CCNJ: variants seen among roughly 807,000 people sequenced by gnomAD.
The protein encoded by CCNJ is cyclin J, also known as cyclin-J.
Under a neutral mutation model 41.4 loss-of-function variants are expected in CCNJ, and 12 were observed. The ratio of observed to expected loss-of-function variants is 0.29; its 90% CI spans 0.19 to 0.47. The LOEUF is 0.47. Ranked by LOEUF, CCNJ falls within the 20% of genes least tolerant of loss-of-function variation. The pLI is 1.00. For missense variants in CCNJ, 340 were observed against 464.6 expected (o/e 0.73, Z 2.47); for synonymous variants, 161 against 173.4 (o/e 0.93, Z 0.56).
intron 3 of CCNJ, 124 bp downstream of exon 3, chr10:96,050,590 C>G: frequency 1.4e-6 from 1 of 722,202 alleles, no homozygotes; most frequent in Non-Finnish European, 2.3e-6. Flanking sequence ...TATCAAGAAG[C>G]TTATGTTAAA....
rs1406364691 is a variant in CCNJ, at chr10:96,057,749, A to G, written c.741-81A>G. 6 of 1,305,230 alleles carry G rather than the reference A, an allele frequency of 4.6e-6. No individual in the cohort carries two copies. The East Asian group carries it at 1.5e-4, about 32-fold the overall frequency. 80.9% of individuals were successfully genotyped at this position (1,305,230 alleles called of 1,614,324 possible). ...GTAGTGGTGGTGGAAGAAGCTGTTGAGTTGGGGATGGGGCATGATTTTCTT... is the reference window on the plus strand; with the variant it reads ...GTAGTGGTGGTGGAAGAAGCTGTTGGGTTGGGGATGGGGCATGATTTTCTT... On this transcript the variant is annotated intron_variant, in intron 5 of 5. Coordinates refer to ENST00000465148, the MANE Select transcript of CCNJ (RefSeq NM_001134375.2).
At chr10:96,043,561 C>T, upstream of CCNJ, 1 of 394,728 alleles carries the variant, frequency 2.5e-6, no homozygotes, top group Non-Finnish European at 4.5e-6. Context: ...GCTTTGTATG[C>T]GGAGCCGCCT....
chr10:96,044,638 T>G (rs368280597), intron 2 of CCNJ, among the ~76,000 whole-genome samples, 176 bp downstream of exon 2: 29 of 152,266 alleles, frequency 1.9e-4, no homozygotes, highest in African/African-American at 6.0e-4. Context: ...CTGGGATGTA[T>G]CAAAAGAACC....
intron 2 of CCNJ, among the ~76,000 whole-genome samples, chr10:96,047,417 G>A (rs1461415662): frequency 2.0e-5 from 3 of 152,214 alleles, no homozygotes; most frequent in Non-Finnish European, 4.4e-5. Context: ...GAGGCTGAAA[G>A]CAGGTGGATC....
intron 1 of CCNJ, 41 bp from the exon 2 acceptor site, chr10:96,044,312 G>C: frequency 1.7e-6 from 2 of 1,168,240 alleles, no homozygotes; most frequent in Non-Finnish European, 2.3e-6. Flanking sequence ...AGAGGGTCGC[G>C]GGGGAGCCGG....
In CCNJ at chr10:96,043,711, C is replaced by T. The variant is rs2080276226; in HGVS notation, c.-50C>T. ...GGCGGGGCTGGGGCTGTGAGGGCCG[C>T]GGTTCCGGGTAAGGGAGCCAGCGTG... is the stretch of plus-strand genomic sequence containing the variant. On this transcript the variant is annotated 5_prime_UTR_variant, in exon 1 of 6. Coordinates refer to ENST00000465148, the MANE Select transcript of CCNJ (RefSeq NM_001134375.2). 3 of 392,538 alleles carry T rather than the reference C, an allele frequency of 7.6e-6. No individual in the cohort carries two copies. Among genetic ancestry groups the T allele is most frequent in the Non-Finnish European group, 1.3e-5 (3 of 222,278 alleles). The allele number at this position is 392,538 out of a possible 1,614,324, so 24.3% of individuals were successfully genotyped here.
chr10:96,051,133 A>C (rs1045997723), intron 3 of CCNJ, among the ~76,000 whole-genome samples: 5 of 152,250 alleles, frequency 3.3e-5, no homozygotes, highest in African/African-American at 1.2e-4. Flanking sequence ...ATAAATGTGA[A>C]AACTTTTGCT....
intron 3 of CCNJ, among the ~76,000 whole-genome samples, chr10:96,051,576 A>ACCTTCACCTCTAACTCTC (rs2080525552): frequency 6.6e-6 from 1 of 152,158 alleles, no homozygotes; most frequent in Non-Finnish European, 1.5e-5. Context: ...TATACTGATA[A>ACCTTCACCTCTAACTCTC]CCTTCACCTC....
At position 96,043,605 on chromosome 10, in the gene CCNJ, C is replaced by T. The variant is rs998713263; in HGVS notation, c.-156C>T. The T allele has an allele frequency of 5.1e-6, 2 of 395,360 alleles. No homozygotes were observed. Among genetic ancestry groups the T allele is most frequent in the Middle Eastern group, 6.4e-4 (1 of 1,574 alleles). The allele number at this position is 395,360 out of a possible 1,614,324, so 24.5% of individuals were successfully genotyped here. A position where few individuals can be genotyped will look rare whatever the true frequency, so the allele number is the denominator to read the frequency against. On this transcript the variant is annotated 5_prime_UTR_variant, in exon 1 of 6. An upstream open reading frame in the 5' UTR gains an earlier in-frame stop. Coordinates refer to ENST00000465148, the MANE Select transcript of CCNJ (RefSeq NM_001134375.2). Reference sequence around the variant, plus strand: ...TTTAACAATGGGCGGCGCGAGCGTCCAGGCGCTGGGCTCTAGCTGAGGCCG... The same window carrying T: ...TTTAACAATGGGCGGCGCGAGCGTCTAGGCGCTGGGCTCTAGCTGAGGCCG...
chr10:96,057,339 G>C (rs1356622965), intron 5 of CCNJ, 92 bp downstream of exon 5: 1 of 1,088,884 alleles, frequency 9.2e-7, no homozygotes, highest in Non-Finnish European at 1.4e-6. Context: ...AAGGCACAGA[G>C]TTCCTAGGTT....
At chr10:96,053,921 G>A (rs577626771) in intron 3 of CCNJ, among the ~76,000 whole-genome samples, 1 of 151,974 alleles carries the variant, frequency 6.6e-6, no homozygotes, top group South Asian at 2.1e-4. Context: ...ATAATTCTTA[G>A]TGTATGTTAG....
chr10:96,053,672 C>A (rs1193019014), intron 3 of CCNJ, among the ~76,000 whole-genome samples: 1 of 152,108 alleles, frequency 6.6e-6, no homozygotes, highest in African/African-American at 2.4e-5. Context: ...ATCTTGGAGT[C>A]AAGACAAAGT....
intron 3 of CCNJ, among the ~76,000 whole-genome samples, chr10:96,053,088 G>A (rs2080574477): frequency 6.6e-6 from 1 of 151,420 alleles, no homozygotes; most frequent in Non-Finnish European, 1.5e-5. Context: ...TCATTGTAAT[G>A]GGAAGCCGTA....
chr10:96,050,221 A>G (rs530425800), intron 2 of CCNJ, 35 bp from the exon 3 acceptor site: 1 of 1,409,606 alleles, frequency 7.1e-7, no homozygotes, highest in Non-Finnish European at 1.0e-6. Context: ...ACGCCTACAG[A>G]TAGGTCAGAC....
At position 96,044,427 on chromosome 10, in the gene CCNJ, C is replaced by T; in HGVS notation, c.34C>T (p.Leu12=). The part of the protein sequence containing the change: ...ELEGQWWRGQ[L]AADIHQALRY... ...GGAGGGGCAGTGGTGGCGAGGACAG[C>T]TGGCCGCCGATATTCACCAAGCGCT... The change falls in exon 2 of 6, where the codon CTG becomes TTG. Residue 12 remains leucine (L), a synonymous_variant. Transcript: ENST00000465148. 6.4e-7 allele frequency: 1 copy of T among 1,562,582 alleles called. No individual in the cohort carries two copies. Among genetic ancestry groups the T allele is most frequent in the Non-Finnish European group, 8.7e-7 (1 of 1,149,870 alleles).
intron 1 of CCNJ, among the ~76,000 whole-genome samples, chr10:96,043,955 C>T (rs2080285722): frequency 6.6e-6 from 1 of 152,214 alleles, no homozygotes; most frequent in Admixed American, 6.5e-5. Flanking sequence ...GGGAGCGTTT[C>T]CCCTCAGCGG....
Position 96,043,724 on chromosome 10 carries a change from G to A in CCNJ, c.-42+5G>A, listed in dbSNP as rs1410052652. 6.1e-5 allele frequency: 24 copies of A among 391,650 alleles called. No homozygotes were observed. The East Asian group carries it at 8.7e-4, about 14-fold the overall frequency. The allele number at this position is 391,650 out of a possible 1,614,324, so 24.3% of individuals were successfully genotyped here. On this transcript the variant is annotated splice_donor_5th_base_variant and intron_variant, in intron 1 of 5. Coordinates refer to ENST00000465148, the MANE Select transcript of CCNJ (RefSeq NM_001134375.2). Reference sequence around the variant, plus strand: ...CTGTGAGGGCCGCGGTTCCGGGTAAGGGAGCCAGCGTGGGGCCGGGCGGCC... The same window carrying A: ...CTGTGAGGGCCGCGGTTCCGGGTAAAGGAGCCAGCGTGGGGCCGGGCGGCC...
chr10:96,043,491 G>A (rs2080269420), upstream of CCNJ: 3 of 389,242 alleles, frequency 7.7e-6, no homozygotes, highest in Non-Finnish European at 1.4e-5. Flanking sequence ...GGCTCGGGGC[G>A]ACCCCGCTGT....
chr10:96,048,578 A>G (rs570094448), intron 2 of CCNJ, among the ~76,000 whole-genome samples: 2 of 152,270 alleles, frequency 1.3e-5, no homozygotes, highest in South Asian at 4.1e-4. Flanking sequence ...CTCCATACCC[A>G]TTGAACGATT....
Sources: gnomAD v4.1 joint callset for allele counts (sites outside exome capture counted in the v4.1 genomes callset) on GRCh38, gnomAD v4.1.1 for gene constraint, MANE v1.5 for transcripts, NCBI Gene and HGNC (gene_info 2026-07-23, HGNC 2026-07-21) for gene names.